The following MARK2 variants were observed in gnomAD, a reference collection of about 807,000 sequenced individuals.
MARK2 encodes the protein serine/threonine-protein kinase MARK2.
Under a neutral mutation model 89.8 loss-of-function variants are expected in MARK2, and 16 were observed. That is an observed-to-expected ratio of 0.18 (90% CI 0.12 to 0.27). The LOEUF is 0.27. MARK2 is among the 10% of genes least tolerant of loss of function. The probability of loss-of-function intolerance (pLI) is 1.00; values close to 1 mark genes in which losing one functional copy is unlikely to be tolerated. For synonymous variants in MARK2, 382 were observed against 399.5 expected, an observed-to-expected ratio of 0.96 and a Z score of 0.52; for missense variants, 621 against 1,049.9, an observed-to-expected ratio of 0.59 and a Z score of 5.65.
intron 1 of MARK2, among the ~76,000 whole-genome samples, chr11:63,848,798 T>A (rs1421300302): frequency 1.3e-5 from 2 of 151,866 alleles, no homozygotes; most frequent in Non-Finnish European, 2.9e-5. Context: ...CCTGACCTCA[T>A]GATCCACCCA....
At position 63,908,898 on chromosome 11, in the gene MARK2, C is replaced by T. The variant is rs750064207; in HGVS notation, c.2028C>T (p.Gly676=). The change falls in exon 19 of 19, where the codon GGC becomes GGT. Residue 676 remains glycine (G), a synonymous_variant. Coordinates refer to ENST00000402010, the MANE Select transcript of MARK2 (RefSeq NM_001039469.3). ...ACAGACCTCACGTGGTGGGCAGTGG[C>T]GGCAACGACAAAGAAAAGGAAGAAT... ...ETLRPHVVGS[G]GNDKEKEEFR... 1.1e-5 allele frequency: 17 copies of T among 1,507,410 alleles called. No homozygotes were observed. The highest frequency in any genetic ancestry group is 1.2e-5 in the Non-Finnish European group (14 of 1,121,838). The allele number at this position is 1,507,410 out of a possible 1,614,324, so 93.4% of individuals were successfully genotyped here.
Position 63,903,028 on chromosome 11 carries a change from T to G in MARK2, c.1417-33T>G. 1 of 1,594,922 alleles carries G rather than the reference T, an allele frequency of 6.3e-7. No homozygotes were observed. The highest frequency in any genetic ancestry group is 8.6e-7 in the Non-Finnish European group (1 of 1,162,830). On this transcript the variant is annotated intron_variant, in intron 13 of 18. Coordinates refer to ENST00000402010, the MANE Select transcript of MARK2 (RefSeq NM_001039469.3). The surrounding 1 kb of genome is among the most constrained non-coding windows in gnomAD (Gnocchi z 5.1). The stretch of plus-strand genomic sequence containing the variant: ...ACCTGGCTGTAGACCACTTTGGCTT[T>G]CTGATAGAACGCTTGCCCTTTATTC...
chr11:63,859,868 G>A (rs1937645737), intron 1 of MARK2, among the ~76,000 whole-genome samples: 1 of 152,190 alleles, frequency 6.6e-6, no homozygotes. Context: ...TTGACCTGGT[G>A]ATCCACCTGC....
At chr11:63,907,034 C>T (rs1338363173) in intron 17 of MARK2, among the ~76,000 whole-genome samples, 2 of 152,150 alleles carry the variant, frequency 1.3e-5, no homozygotes, top group East Asian at 3.9e-4. Flanking sequence ...CCCTTCCTGG[C>T]TCTTTCACCC....
intron 1 of MARK2, among the ~76,000 whole-genome samples, chr11:63,882,377 A>G (rs939844792): frequency 6.6e-6 from 1 of 152,040 alleles, no homozygotes. Context: ...TGAGATCAGG[A>G]GTTCGAGACT....
At chr11:63,887,397 A>G (rs1939466290) in intron 1 of MARK2, among the ~76,000 whole-genome samples, 1 of 152,238 alleles carries the variant, frequency 6.6e-6, no homozygotes, top group African/African-American at 2.4e-5. Context: ...TACCTACCCT[A>G]TAGGTCTGTG....
chr11:63,856,884 T>C (rs148661764), intron 1 of MARK2, among the ~76,000 whole-genome samples: 6,504 of 141,972 alleles, frequency 0.046, 447 homozygotes, highest in African/African-American at 0.15. Context: ...CTCGGCTCAC[T>C]GCAAGCTCTG....
In MARK2 at chr11:63,904,237, C is replaced by A; in HGVS notation, c.1676+90C>A. ...AATTTCTTCTTCCCACTTGGGGGTC[C>A]TGCTGTGTTCTTGTCATCTTAGCCA... On this transcript the variant is annotated intron_variant, in intron 15 of 18. Coordinates refer to ENST00000402010, the MANE Select transcript of MARK2 (RefSeq NM_001039469.3). This position sits in a 1 kb window ranked among gnomAD's most constrained non-coding sequence, Gnocchi z 6.3. 1.7e-6 allele frequency: 2 copies of A among 1,180,028 alleles called. No homozygotes were observed. The highest frequency in any genetic ancestry group is 3.0e-5 in the South Asian group (2 of 66,916). The allele number at this position is 1,180,028 out of a possible 1,614,324, so 73.1% of individuals were successfully genotyped here.
At chr11:63,863,967 T>A (rs977814863) in intron 1 of MARK2, among the ~76,000 whole-genome samples, 5 of 151,990 alleles carry the variant, frequency 3.3e-5, no homozygotes, top group African/African-American at 1.2e-4. Context: ...TTTATTTATT[T>A]TTTTGAGACT....
At chr11:63,887,297 C>T (rs1473470410) in intron 1 of MARK2, among the ~76,000 whole-genome samples, 1 of 152,208 alleles carries the variant, frequency 6.6e-6, no homozygotes, top group Non-Finnish European at 1.5e-5. Context: ...GCTCTGGGCT[C>T]CGGCCCCAGC....
chr11:63,860,501 G>A (rs1017759662), intron 1 of MARK2, among the ~76,000 whole-genome samples: 5 of 150,562 alleles, frequency 3.3e-5, no homozygotes, highest in South Asian at 2.1e-4. Flanking sequence ...ACAGTGAGCC[G>A]AGATCATGCC....
chr11:63,888,759 C>G, intron 1 of MARK2: 1 of 1,220,336 alleles, frequency 8.2e-7, no homozygotes, highest in Non-Finnish European at 1.0e-6. Flanking sequence ...ACCGCTCGGC[C>G]TGGCTGCTTA....
intron 1 of MARK2, among the ~76,000 whole-genome samples, chr11:63,875,878 A>G (rs552611012): frequency 2.6e-5 from 4 of 152,302 alleles, no homozygotes; most frequent in African/African-American, 9.6e-5. Context: ...ATACACATGC[A>G]CACAGGTTTC....
intron 1 of MARK2, among the ~76,000 whole-genome samples, chr11:63,854,949 A>G (rs990474953): frequency 3.3e-5 from 5 of 152,180 alleles, no homozygotes; most frequent in African/African-American, 1.2e-4. Context: ...TTTTTTCTTG[A>G]AAGAACAACT....
chr11:63,858,755 C>T (rs985546797), intron 1 of MARK2, among the ~76,000 whole-genome samples: 6 of 152,218 alleles, frequency 3.9e-5, no homozygotes, highest in African/African-American at 1.4e-4. Flanking sequence ...AGTGTGAGAA[C>T]TCTTTTGTAA....
intron 7 of MARK2, among the ~76,000 whole-genome samples, chr11:63,899,573 A>AT (rs1940700578): frequency 6.6e-6 from 1 of 152,228 alleles, no homozygotes; most frequent in African/African-American, 2.4e-5. Context: ...TTGGCTGCTG[A>AT]GTCCTCACAG....
chr11:63,882,982 C>T (rs1231914402), intron 1 of MARK2, among the ~76,000 whole-genome samples: 2 of 152,194 alleles, frequency 1.3e-5, no homozygotes, highest in Non-Finnish European at 2.9e-5. Context: ...CACCCCCATC[C>T]CCCAGAGCCC....
At position 63,905,122 on chromosome 11, in the gene MARK2, GTTGGGGT is replaced by G. The variant is rs1435759506; in HGVS notation, c.1934+85_1934+91del. 2.9e-5 allele frequency: 38 copies of G among 1,310,322 alleles called. No individual in the cohort carries two copies. The Admixed American group carries it at 5.6e-4, about 19-fold the overall frequency. The allele number at this position is 1,310,322 out of a possible 1,614,324, so 81.2% of individuals were successfully genotyped here. A position where few individuals can be genotyped will look rare whatever the true frequency, so the allele number is the denominator to read the frequency against. Reference sequence around the variant, plus strand: ...ACTCGGGGTGGGTTGGGGGTTGGGGGTTGGGGTTTGGGACACTCTGTACCGGTATTGG... The same window carrying G: ...ACTCGGGGTGGGTTGGGGGTTGGGGGTTGGGACACTCTGTACCGGTATTGG... On this transcript the variant is annotated intron_variant, in intron 16 of 18. Transcript: ENST00000402010.
intron 1 of MARK2, among the ~76,000 whole-genome samples, chr11:63,885,799 A>G (rs1185831112): frequency 1.3e-5 from 2 of 149,960 alleles, no homozygotes; most frequent in Non-Finnish European, 3.0e-5. Flanking sequence ...GCACCACTGC[A>G]CTCCAGCCTG....
Sources: allele counts gnomAD v4.1 joint callset (sites outside exome capture counted in the v4.1 genomes callset), GRCh38; gene constraint gnomAD v4.1.1; non-coding constraint Gnocchi (gnomAD v3.1); transcripts MANE v1.5; gene names NCBI Gene and HGNC (gene_info 2026-07-23, HGNC 2026-07-21).